Variants in CDKAL1 observed in about 807,000 individuals in gnomAD.
The protein encoded by CDKAL1 is threonylcarbamoyladenosine tRNA methylthiotransferase.
CDKAL1 carries 32 observed loss-of-function variants against 68.2 expected under a neutral mutation model. That is an observed-to-expected ratio of 0.47 (90% CI 0.35 to 0.63). The LOEUF (loss-of-function observed/expected upper bound fraction) is 0.63, where lower values mean the gene tolerates loss of function less well. Ranked by LOEUF, CDKAL1 falls within the 30% of genes least tolerant of loss-of-function variation. CDKAL1 has a pLI of 0.00. For synonymous variants in CDKAL1, 234 were observed against 244.3 expected, an observed-to-expected ratio of 0.96 and a Z score of 0.39; for missense variants, 606 against 696.7, an observed-to-expected ratio of 0.87 and a Z score of 1.47.
At chr6:20,729,684 G>A (rs1772818916) in intron 5 of CDKAL1, among the ~76,000 whole-genome samples, 1 of 152,156 alleles carries the variant, frequency 6.6e-6, no homozygotes, top group African/African-American at 2.4e-5. Context: ...AGCAGAGAGA[G>A]GTTAAGTAAT....
At chr6:20,618,985 T>C (rs552667168) in intron 4 of CDKAL1, among the ~76,000 whole-genome samples, 5 of 152,346 alleles carry the variant, frequency 3.3e-5, no homozygotes, top group African/African-American at 1.2e-4. Flanking sequence ...GGTGATTTTT[T>C]CAGTTTCATA....
chr6:21,087,715 T>C (rs1431495264), intron 12 of CDKAL1, among the ~76,000 whole-genome samples: 2 of 152,198 alleles, frequency 1.3e-5, no homozygotes, highest in Non-Finnish European at 2.9e-5. Flanking sequence ...GTTCTTAACA[T>C]TTTTTGAGAA....
intron 9 of CDKAL1, among the ~76,000 whole-genome samples, chr6:20,940,448 G>T (rs976560259): frequency 4.6e-5 from 7 of 152,158 alleles, no homozygotes; most frequent in Non-Finnish European, 1.0e-4. Flanking sequence ...AATTTAAAAT[G>T]TTCTAGTAGC....
At position 21,033,434 on chromosome 6, in the gene CDKAL1, G is replaced by A. The variant is rs139778813; in HGVS notation, c.1056-31614G>A. ...TTTTAACCTGAGTGGCCAGAAAACC[G>A]TTGATATCATAGAAGAAAAGATACA... On this transcript the variant is annotated intron_variant, in intron 11 of 15. Coordinates refer to ENST00000274695, the MANE Select transcript of CDKAL1 (RefSeq NM_017774.3). 1.8e-4 allele frequency among the ~76,000 whole-genome samples: 27 copies of A among 152,190 alleles called. No homozygotes were observed. The East Asian group carries it at 4.3e-3, about 24-fold the overall frequency.
intron 8 of CDKAL1, among the ~76,000 whole-genome samples, chr6:20,818,063 G>C (rs1466686517): frequency 2.0e-5 from 3 of 152,090 alleles, no homozygotes; most frequent in East Asian, 1.9e-4. Flanking sequence ...TGTGGTGTCA[G>C]CTGTTCCCAA....
intron 4 of CDKAL1, among the ~76,000 whole-genome samples, chr6:20,618,195 G>T (rs993110687): frequency 6.6e-6 from 1 of 152,118 alleles, no homozygotes; most frequent in South Asian, 2.1e-4. Flanking sequence ...TCATGTGTCT[G>T]TTGGCTGCAT....
chr6:20,933,797 C>G (rs996615625), intron 9 of CDKAL1, among the ~76,000 whole-genome samples: 1 of 152,088 alleles, frequency 6.6e-6, no homozygotes, highest in Non-Finnish European at 1.5e-5. Context: ...TGGTACATTT[C>G]TTGCATAAAG....
intron 7 of CDKAL1, among the ~76,000 whole-genome samples, chr6:20,777,449 TA>T (rs1163451250): frequency 6.6e-6 from 1 of 151,838 alleles, no homozygotes; most frequent in Non-Finnish European, 1.5e-5. Flanking sequence ...CTCATCTCTA[TA>T]AAAAAAATTT....
intron 12 of CDKAL1, among the ~76,000 whole-genome samples, chr6:21,065,587 T>G (rs1771391890): frequency 6.6e-6 from 1 of 151,836 alleles, no homozygotes. Context: ...CCCCACTTTT[T>G]AAGAGACTCT....
chr6:21,074,164 G>A (rs1276659173), intron 12 of CDKAL1, among the ~76,000 whole-genome samples: 1 of 152,150 alleles, frequency 6.6e-6, no homozygotes, highest in East Asian at 1.9e-4. Context: ...ACAAAGAAAA[G>A]CCTCTTCTCC....
chr6:20,721,430 C>T (rs1248983055), intron 5 of CDKAL1, among the ~76,000 whole-genome samples: 1 of 152,064 alleles, frequency 6.6e-6, no homozygotes, highest in Non-Finnish European at 1.5e-5. Flanking sequence ...AAATAGTATT[C>T]CGTTAGGTAT....
chr6:21,156,849 C>G (rs1366021652), intron 13 of CDKAL1, among the ~76,000 whole-genome samples: 1 of 152,152 alleles, frequency 6.6e-6, no homozygotes, highest in Non-Finnish European at 1.5e-5. Context: ...TGGAATCCTT[C>G]TAAGAGTATC....
chr6:20,847,552 T>C lies in CDKAL1; in HGVS notation c.742+1374T>C, dbSNP rs80290773. 5.7e-3 allele frequency among the ~76,000 whole-genome samples: 870 copies of C among 152,356 alleles called. 14 individuals carry two copies. The highest frequency in any genetic ancestry group is 0.019 in the African/African-American group (808 of 41,586). ...TTTCTAAGTGCAACTGCATATAATT[T>C]TTTTAAAAATCTATTTCATTTTACT... On this transcript the variant is annotated intron_variant, in intron 9 of 15. Transcript: ENST00000274695.
chr6:20,945,545 A>C (rs1028671404), intron 9 of CDKAL1, among the ~76,000 whole-genome samples: 3 of 152,076 alleles, frequency 2.0e-5, no homozygotes, highest in Non-Finnish European at 4.4e-5. Context: ...GCCCTATATC[A>C]CATATTCTCA....
chr6:21,098,727 G>A (rs1582194371), intron 12 of CDKAL1, among the ~76,000 whole-genome samples: 1 of 152,130 alleles, frequency 6.6e-6, no homozygotes, highest in African/African-American at 2.4e-5. Flanking sequence ...TGTTTGGGAG[G>A]ATCCTGCATG....
At chr6:21,068,390 G>A (rs112529477) in intron 12 of CDKAL1, among the ~76,000 whole-genome samples, 1,702 of 152,118 alleles carry the variant, frequency 0.011, 33 homozygotes, top group African/African-American at 0.038. Flanking sequence ...TTAATTTAAG[G>A]TATGAGGTGT....
Position 21,201,132 on chromosome 6 carries a change from C to T in CDKAL1, c.1406C>T (p.Ala469Val), listed in dbSNP as rs779397200. The change falls in exon 15 of 16, where the codon GCG (alanine) becomes GTG (valine). Residue 469 changes from alanine to valine, a missense_variant. Physicochemically the swap from Ala to Val is moderately conservative, Grantham distance 64. Transcript: ENST00000274695. Reference sequence around the variant, plus strand: ...AAGGTTTTAGTGCCAAAGAACCCTGCGTTCATGGGGAAGATGGTTGAAGTG... The same window carrying T: ...AAGGTTTTAGTGCCAAAGAACCCTGTGTTCATGGGGAAGATGGTTGAAGTG... ...YEQVLVPKNP[A>V]FMGKMVEVDI... 10 of 1,612,420 alleles carry T rather than the reference C, an allele frequency of 6.2e-6. No individual in the cohort carries two copies. Among genetic ancestry groups the T allele is most frequent in the African/African-American group, 5.3e-5 (4 of 74,880 alleles).
chr6:20,676,847 A>G (rs1376454970), intron 5 of CDKAL1, among the ~76,000 whole-genome samples: 2 of 152,114 alleles, frequency 1.3e-5, no homozygotes, highest in Non-Finnish European at 2.9e-5. Context: ...ATAGTCTGCA[A>G]CATATAATGG....
chr6:20,988,291 C>A (rs1554153586), intron 10 of CDKAL1, among the ~76,000 whole-genome samples: 1 of 151,312 alleles, frequency 6.6e-6, no homozygotes, highest in Non-Finnish European at 1.5e-5. Context: ...ATGCTACCCA[C>A]CCATTGATGA....
Sources: gnomAD v4.1 joint callset for allele counts (sites outside exome capture counted in the v4.1 genomes callset) on GRCh38, gnomAD v4.1.1 for gene constraint, MANE v1.5 for transcripts, NCBI Gene and HGNC (gene_info 2026-07-23, HGNC 2026-07-21) for gene names.